ZNF385D: variants seen among roughly 807,000 people sequenced by gnomAD.
ZNF385D encodes zinc finger protein 659.
ZNF385D carries 15 observed loss-of-function variants against 35.8 expected under a neutral mutation model. The observed-to-expected ratio is 0.42, with a 90% CI of 0.28 to 0.64. The LOEUF is 0.64. Ranked by LOEUF, ZNF385D falls within the 30% of genes least tolerant of loss-of-function variation. ZNF385D has a pLI of 0.23. For missense variants in ZNF385D, 474 were observed against 494.6 expected, an observed-to-expected ratio of 0.96 and a Z score of 0.39; for synonymous variants, 212 against 186.8, an observed-to-expected ratio of 1.13 and a Z score of -1.10.
intron 3 of ZNF385D, among the ~76,000 whole-genome samples, chr3:22,147,484 A>T (rs1458429236): frequency 6.6e-6 from 1 of 152,266 alleles, no homozygotes; most frequent in Admixed American, 6.5e-5. Context: ...GGTGTTGGTA[A>T]AAGGGAAGCC....
At position 21,554,979 on chromosome 3, in the gene ZNF385D, G is replaced by A. The variant is rs570021531; in HGVS notation, c.276+9595C>T. ...AGCACTTTCTCCATATCAAACATAA[G>A]GCTCTTTTGCTTTCATGTCATTCAT... is the stretch of plus-strand genomic sequence containing the variant. On this transcript the variant is annotated intron_variant, in intron 3 of 7. Transcript: ENST00000281523. Among the ~76,000 whole-genome samples the A allele has an allele frequency of 5.9e-5, 9 of 152,250 alleles. No individual in the cohort carries two copies. In the South Asian group the frequency reaches 8.3e-4, roughly 14 times the overall value.
At chr3:21,464,388 TA>T (rs990762999) in intron 4 of ZNF385D, among the ~76,000 whole-genome samples, 4 of 152,190 alleles carry the variant, frequency 2.6e-5, no homozygotes, top group East Asian at 1.9e-4. Flanking sequence ...ATTTTTATAT[TA>T]AAAAACAAAA....
intron 2 of ZNF385D, among the ~76,000 whole-genome samples, chr3:22,325,090 G>C (rs1694616277): frequency 6.6e-6 from 1 of 152,154 alleles, no homozygotes. Context: ...ACGCCACAGA[G>C]TGCTATATAA....
chr3:21,668,085 T>C (rs1362257806), intron 1 of ZNF385D, among the ~76,000 whole-genome samples: 1 of 152,120 alleles, frequency 6.6e-6, no homozygotes, highest in Non-Finnish European at 1.5e-5. Flanking sequence ...CAAATACAGG[T>C]GTAGGGATGC....
chr3:21,668,245 G>A (rs571564388), intron 1 of ZNF385D, among the ~76,000 whole-genome samples: 3 of 152,254 alleles, frequency 2.0e-5, no homozygotes, highest in East Asian at 3.9e-4. Context: ...ACCCTTAAGT[G>A]GAGGAGTTGA....
intron 1 of ZNF385D, among the ~76,000 whole-genome samples, chr3:21,737,382 T>A (rs1307694571): frequency 6.6e-6 from 1 of 151,774 alleles, no homozygotes; most frequent in Non-Finnish European, 1.5e-5. Flanking sequence ...AGAATGAGAA[T>A]CAGTATACGA....
chr3:21,689,456 G>A (rs1202413394), intron 1 of ZNF385D, among the ~76,000 whole-genome samples: 1 of 152,134 alleles, frequency 6.6e-6, no homozygotes, highest in East Asian at 1.9e-4. Flanking sequence ...GGGGTCTTTA[G>A]CAACTTGAAA....
At chr3:22,075,638 A>C (rs1700427246) in intron 3 of ZNF385D, among the ~76,000 whole-genome samples, 1 of 151,890 alleles carries the variant, frequency 6.6e-6, no homozygotes, top group South Asian at 2.1e-4. Flanking sequence ...AAAGATCTTG[A>C]AGGCTTATGC....
chr3:21,835,520 T>C (rs1435687896), intron 3 of ZNF385D, among the ~76,000 whole-genome samples: 9 of 145,168 alleles, frequency 6.2e-5, no homozygotes, highest in Non-Finnish European at 1.1e-4. Context: ...TGATACTACT[T>C]AAAAAAAAAA....
chr3:22,353,588 C>A (rs552731954), intron 2 of ZNF385D, among the ~76,000 whole-genome samples: 1 of 152,130 alleles, frequency 6.6e-6, no homozygotes, highest in Non-Finnish European at 1.5e-5. Flanking sequence ...CACTATCCCC[C>A]CTTCCTTGTT....
At chr3:21,735,903 T>A (rs1329587089) in intron 1 of ZNF385D, among the ~76,000 whole-genome samples, 1 of 152,206 alleles carries the variant, frequency 6.6e-6, no homozygotes, top group Non-Finnish European at 1.5e-5. Flanking sequence ...CAGCAAGGGC[T>A]GGGAAAATGA....
At chr3:22,111,309 CT>C (rs1182920619) in intron 3 of ZNF385D, among the ~76,000 whole-genome samples, 2 of 151,764 alleles carry the variant, frequency 1.3e-5, no homozygotes, top group East Asian at 3.9e-4. Context: ...GCCCTGTGAA[CT>C]TGGTAAATGT....
At chr3:22,351,035 T>C (rs1695891771) in intron 2 of ZNF385D, among the ~76,000 whole-genome samples, 1 of 152,114 alleles carries the variant, frequency 6.6e-6, no homozygotes, top group South Asian at 2.1e-4. Context: ...CATACTCTTA[T>C]CCACAATGCT....
At chr3:22,234,602 G>C (rs1313300711) in intron 2 of ZNF385D, among the ~76,000 whole-genome samples, 2 of 151,974 alleles carry the variant, frequency 1.3e-5, no homozygotes, top group African/African-American at 4.8e-5. Context: ...CAGCAGGTGT[G>C]TGTCAACTCC....
At chr3:22,267,268 TC>T (rs1700945283) in intron 2 of ZNF385D, among the ~76,000 whole-genome samples, 1 of 151,892 alleles carries the variant, frequency 6.6e-6, no homozygotes, top group Non-Finnish European at 1.5e-5. Flanking sequence ...TATAAACCAA[TC>T]TAAAATTTAG....
chr3:22,065,069 A>C (rs187004720), intron 3 of ZNF385D, among the ~76,000 whole-genome samples: 1 of 152,326 alleles, frequency 6.6e-6, no homozygotes, highest in African/African-American at 2.4e-5. Context: ...ATAAGTCCTT[A>C]AACAAATTAG....
chr3:22,258,304 C>G (rs2125339404), intron 2 of ZNF385D, among the ~76,000 whole-genome samples: 1 of 151,832 alleles, frequency 6.6e-6, no homozygotes, highest in South Asian at 2.1e-4. Flanking sequence ...TACACACAGC[C>G]ACATTTATGC....
At chr3:22,094,481 T>C (rs1481148888) in intron 3 of ZNF385D, among the ~76,000 whole-genome samples, 3 of 139,908 alleles carry the variant, frequency 2.1e-5, no homozygotes, top group Non-Finnish European at 3.2e-5. Context: ...CAGACATTGA[T>C]TGAGGGTAAC....
chr3:21,947,543 G>C (rs190666709), intron 3 of ZNF385D, among the ~76,000 whole-genome samples: 11 of 152,104 alleles, frequency 7.2e-5, no homozygotes. Flanking sequence ...GTAGAGATGG[G>C]GTTTCACTGT....
Sources: allele counts gnomAD v4.1 joint callset (sites outside exome capture counted in the v4.1 genomes callset), GRCh38; gene constraint gnomAD v4.1.1; transcripts MANE v1.5; gene names NCBI Gene and HGNC (gene_info 2026-07-23, HGNC 2026-07-21).